XNDC1N: variants seen among roughly 807,000 people sequenced by gnomAD.
The protein encoded by XNDC1N is XRCC1 N-terminal domain containing 1, N-terminal like, also known as protein XNDC1N.
At chr11:71,920,079 T>A in the XNDC1N span, among the ~76,000 whole-genome samples, 59,945 of 146,556 alleles carry the variant, frequency 0.41, 12,660 homozygotes, top group East Asian at 0.55. Flanking sequence ...TGCCTCAGCC[T>A]CCCGAATAGC....
At chr11:71,915,303 C>G in the XNDC1N span, among the ~76,000 whole-genome samples, 2 of 151,982 alleles carry the variant, frequency 1.3e-5, no homozygotes, top group Admixed American at 1.3e-4. Context: ...AAAAAATTAG[C>G]CGGGCGTGGT....
chr11:71,905,473 C>G, the XNDC1N span, among the ~76,000 whole-genome samples: 2 of 151,786 alleles, frequency 1.3e-5, no homozygotes, highest in African/African-American at 4.8e-5. Context: ...TGTGACATTA[C>G]GGTAACATCT....
At chr11:71,909,928 T>C in the XNDC1N span, among the ~76,000 whole-genome samples, 2 of 151,946 alleles carry the variant, frequency 1.3e-5, no homozygotes, top group African/African-American at 2.4e-5. Context: ...AGAGGAGGAA[T>C]GGAGACTTTT....
At chr11:71,888,439 G>C in the XNDC1N span, among the ~76,000 whole-genome samples, 12 of 152,252 alleles carry the variant, frequency 7.9e-5, no homozygotes, top group Admixed American at 2.6e-4. Context: ...GAATGCGGAT[G>C]CCAACAACAG....
chr11:71,897,410 T>C, the XNDC1N span, among the ~76,000 whole-genome samples: 59 of 152,264 alleles, frequency 3.9e-4, no homozygotes, highest in Non-Finnish European at 5.7e-4. Flanking sequence ...CCATCAACAA[T>C]GGTCAGAAGA....
At chr11:71,869,490 C>T in the XNDC1N span, among the ~76,000 whole-genome samples, 184 of 152,210 alleles carry the variant, frequency 1.2e-3, 1 homozygote, top group Admixed American at 4.6e-3. Context: ...CTTGCTATTG[C>T]GAATAGTGCT....
the XNDC1N span, among the ~76,000 whole-genome samples, chr11:71,876,365 TC>T: frequency 6.6e-6 from 1 of 152,212 alleles, no homozygotes; most frequent in African/African-American, 2.4e-5. Context: ...ACTTTATCTT[TC>T]TTTGCTGAAG....
the XNDC1N span, among the ~76,000 whole-genome samples, chr11:71,890,862 A>C: frequency 6.6e-6 from 1 of 152,104 alleles, no homozygotes; most frequent in Admixed American, 6.5e-5. Context: ...GCTGTCATAG[A>C]ATTCTCTCTC....
chr11:71,902,295 C>T, the XNDC1N span, among the ~76,000 whole-genome samples: 1 of 152,192 alleles, frequency 6.6e-6, no homozygotes, highest in African/African-American at 2.4e-5. Flanking sequence ...AGGTTCAAGC[C>T]ATTCTCCTGC....
the XNDC1N span, chr11:71,878,437 C>G: frequency 3.7e-6 from 6 of 1,611,374 alleles, no homozygotes; most frequent in Non-Finnish European, 5.1e-6. Context: ...CTCTAACCTG[C>G]TTTACCTATT....
the XNDC1N span, among the ~76,000 whole-genome samples, chr11:71,920,026 C>A: frequency 1.7e-4 from 21 of 127,122 alleles, no homozygotes; most frequent in African/African-American, 6.1e-4. Flanking sequence ...GGTGCAATCT[C>A]GGCTCACCGA....
At chr11:71,892,869 T>C in the XNDC1N span, among the ~76,000 whole-genome samples, 1 of 152,112 alleles carries the variant, frequency 6.6e-6, no homozygotes, top group African/African-American at 2.4e-5. Flanking sequence ...CATTTTTGAG[T>C]GTGCATGTAC....
At chr11:71,928,080 T>C in the XNDC1N span, 1 of 221,008 alleles carries the variant, frequency 4.5e-6, no homozygotes, top group Non-Finnish European at 9.2e-6. Context: ...GGTGGGACAG[T>C]GAATGGTGTA....
At chr11:71,891,095 C>G in the XNDC1N span, among the ~76,000 whole-genome samples, 1 of 152,186 alleles carries the variant, frequency 6.6e-6, no homozygotes, top group South Asian at 2.1e-4. Flanking sequence ...ACCTTATCCT[C>G]TCCCTCCCAG....
At chr11:71,883,282 T>A in the XNDC1N span, among the ~76,000 whole-genome samples, 1 of 152,154 alleles carries the variant, frequency 6.6e-6, no homozygotes, top group Admixed American at 6.5e-5. Context: ...CCCAGAATAG[T>A]CAAAACAATG....
the XNDC1N span, among the ~76,000 whole-genome samples, chr11:71,890,320 C>G: frequency 1.3e-5 from 2 of 152,074 alleles, no homozygotes; most frequent in Non-Finnish European, 2.9e-5. Context: ...ACGCCTGTCG[C>G]GAAATTCAAT....
the XNDC1N span, among the ~76,000 whole-genome samples, chr11:71,900,077 C>T: frequency 1.3e-5 from 2 of 152,272 alleles, no homozygotes; most frequent in Non-Finnish European, 2.9e-5. Flanking sequence ...AATCATAGTA[C>T]CTTCCCTTGA....
chr11:71,876,943 G>A, the XNDC1N span, among the ~76,000 whole-genome samples: 4 of 152,188 alleles, frequency 2.6e-5, no homozygotes, highest in Non-Finnish European at 5.9e-5. Context: ...CTAGGGTGCT[G>A]GCAGAGGCTT....
chr11:71,908,493 T>C, the XNDC1N span, among the ~76,000 whole-genome samples: 3 of 151,942 alleles, frequency 2.0e-5, no homozygotes, highest in Non-Finnish European at 4.4e-5. Flanking sequence ...GCCATTCCAC[T>C]CCTCCCTCAA....
Sources: gnomAD v4.1 joint callset for allele counts (sites outside exome capture counted in the v4.1 genomes callset) on GRCh38, gnomAD v4.1.1 for gene constraint, MANE v1.5 for transcripts, NCBI Gene and HGNC (gene_info 2026-07-23, HGNC 2026-07-21) for gene names.